FOXP2: variants seen among roughly 807,000 people sequenced by gnomAD.
FOXP2 encodes forkhead box protein P2.
In FOXP2, 12 loss-of-function variants were observed where a neutral mutation model predicts 115.8. The observed-to-expected ratio is 0.10, with a 90% CI of 0.07 to 0.17. FOXP2 has a LOEUF of 0.17. Among genes scored for constraint, FOXP2 ranks in the 10% least tolerant of loss-of-function variants. FOXP2 has a pLI of 1.00. For missense variants in FOXP2, 629 were observed against 843.5 expected (o/e 0.75, Z 3.15); for synonymous variants, 328 against 297.7 (o/e 1.10, Z -1.05).
intron 1 of FOXP2, among the ~76,000 whole-genome samples, chr7:114,207,164 A>C (rs578222744): frequency 2.0e-5 from 3 of 152,258 alleles, no homozygotes; most frequent in Admixed American, 2.0e-4. Context: ...TGGCCAAATA[A>C]TATTCTGTTG....
At chr7:114,499,738 T>C (rs1255969701) in intron 2 of FOXP2, 1 of 152,156 alleles carries the variant, frequency 6.6e-6, no homozygotes, top group Non-Finnish European at 1.5e-5. Flanking sequence ...CTTACCTTCT[T>C]ATTTGTGCGA....
At chr7:114,283,002 C>T (rs1007376460) in intron 1 of FOXP2, among the ~76,000 whole-genome samples, 1 of 152,086 alleles carries the variant, frequency 6.6e-6, no homozygotes, top group Non-Finnish European at 1.5e-5. Context: ...CCTATGATTA[C>T]TTTTTTAAAA....
intron 1 of FOXP2, among the ~76,000 whole-genome samples, chr7:114,253,170 T>G (rs1288661709): frequency 6.6e-6 from 1 of 152,188 alleles, no homozygotes; most frequent in East Asian, 1.9e-4. Flanking sequence ...TTTGTTATAA[T>G]TTCTGTTCTT....
chr7:114,183,865 T>G (rs1793521953), intron 1 of FOXP2, among the ~76,000 whole-genome samples: 1 of 152,102 alleles, frequency 6.6e-6, no homozygotes, highest in Non-Finnish European at 1.5e-5. Context: ...TCACAAGAAT[T>G]TGGGATAAAG....
chr7:114,107,505 A>G (rs1200500850), intron 1 of FOXP2, among the ~76,000 whole-genome samples: 1 of 151,948 alleles, frequency 6.6e-6, no homozygotes, highest in East Asian at 1.9e-4. Context: ...TTTCACACTC[A>G]TGTCTCTCCC....
At chr7:114,676,225 G>T (rs990981162) in intron 16 of FOXP2, among the ~76,000 whole-genome samples, 1 of 151,834 alleles carries the variant, frequency 6.6e-6, no homozygotes, top group African/African-American at 2.4e-5. Flanking sequence ...CACTGTACCC[G>T]GCCTAAAACG....
At chr7:114,354,616 G>A (rs1286035083) in intron 2 of FOXP2, among the ~76,000 whole-genome samples, 2 of 151,900 alleles carry the variant, frequency 1.3e-5, no homozygotes, top group African/African-American at 4.8e-5. Flanking sequence ...AGGTCTCTCT[G>A]GATCCTGAAA....
At chr7:114,479,493 G>A (rs1052041105) in intron 2 of FOXP2, among the ~76,000 whole-genome samples, 6 of 150,672 alleles carry the variant, frequency 4.0e-5, no homozygotes, top group Non-Finnish European at 8.9e-5. Flanking sequence ...TTGAACAAAT[G>A]GAGAACTAAA....
At chr7:114,447,519 C>A (rs1230490956) in intron 2 of FOXP2, among the ~76,000 whole-genome samples, 1 of 152,086 alleles carries the variant, frequency 6.6e-6, no homozygotes, top group East Asian at 1.9e-4. Flanking sequence ...CCTTTTTCTG[C>A]AATTCCAGTT....
chr7:114,683,904 C>T (rs28733839), intron 16 of FOXP2, among the ~76,000 whole-genome samples: 19,353 of 47,208 alleles, frequency 0.41, 2,750 homozygotes, highest in African/African-American at 0.48. Context: ...TGGCTTAATC[C>T]TCTTTCAACC....
At chr7:114,229,110 T>TCC (rs2129165422) in intron 1 of FOXP2, among the ~76,000 whole-genome samples, 1 of 151,366 alleles carries the variant, frequency 6.6e-6, no homozygotes, top group African/African-American at 2.4e-5. Context: ...TATACTTATA[T>TCC]CAACCAGATA....
chr7:114,088,763 G>C (rs1166653914), intron 1 of FOXP2, among the ~76,000 whole-genome samples: 1 of 152,202 alleles, frequency 6.6e-6, no homozygotes, highest in Non-Finnish European at 1.5e-5. Context: ...TTATGGATCA[G>C]TATATTCCCA....
In FOXP2 at chr7:114,309,767, G is replaced by A. The variant is rs181054900; in HGVS notation, c.-11+21658G>A. ...TGCAGCTTCTGACTCTTGGGCTCAC[G>A]TGATCCTCCAGCTTCAGCCTCCTAA... is the stretch of plus-strand genomic sequence containing the variant. On this transcript the variant is annotated intron_variant, in intron 2 of 17. Transcript: ENST00000634411. 4.8e-4 allele frequency among the ~76,000 whole-genome samples: 73 copies of A among 151,956 alleles called. 1 individual carries two copies. The highest frequency in any genetic ancestry group is 1.7e-3 in the African/African-American group (72 of 41,420).
chr7:114,585,066 C>T (rs186776207), intron 3 of FOXP2, among the ~76,000 whole-genome samples: 17 of 152,224 alleles, frequency 1.1e-4, no homozygotes, highest in African/African-American at 4.1e-4. Context: ...TTGAGTGAAA[C>T]TGTAAGCAAT....
intron 2 of FOXP2, among the ~76,000 whole-genome samples, chr7:114,473,508 A>C (rs761072449): frequency 7.2e-5 from 11 of 152,220 alleles, no homozygotes; most frequent in Non-Finnish European, 1.0e-4. Flanking sequence ...TCTAGTTTTG[A>C]GTTTAATTAA....
intron 1 of FOXP2, among the ~76,000 whole-genome samples, chr7:114,216,246 G>C (rs1450961250): frequency 6.6e-6 from 1 of 152,168 alleles, no homozygotes; most frequent in Non-Finnish European, 1.5e-5. Context: ...GAAAGGAATA[G>C]AGCTTCCACA....
intron 2 of FOXP2, chr7:114,499,596 C>T (rs1287077657): frequency 6.6e-6 from 1 of 152,100 alleles, no homozygotes; most frequent in Non-Finnish European, 1.5e-5. Context: ...TCTCTTCATA[C>T]GAGCTGTTAG....
chr7:114,614,186 A>G (rs1803797298), intron 3 of FOXP2, among the ~76,000 whole-genome samples: 3 of 152,224 alleles, frequency 2.0e-5, no homozygotes. Flanking sequence ...TTATACTTCC[A>G]TAAGCTAGCA....
At chr7:114,580,821 G>C (rs926810861) in intron 3 of FOXP2, among the ~76,000 whole-genome samples, 1 of 152,048 alleles carries the variant, frequency 6.6e-6, no homozygotes, top group African/African-American at 2.4e-5. Context: ...TTTGAGAAGT[G>C]GGATATCTGC....
Sources: gnomAD v4.1 joint callset for allele counts (sites outside exome capture counted in the v4.1 genomes callset) on GRCh38, gnomAD v4.1.1 for gene constraint, MANE v1.5 for transcripts, NCBI Gene and HGNC (gene_info 2026-07-23, HGNC 2026-07-21) for gene names.